The following SESN2 variants were observed in gnomAD, a reference collection of about 807,000 sequenced individuals.
The protein encoded by SESN2 is sestrin 2.
SESN2 carries 42 observed loss-of-function variants against 56.0 expected under a neutral mutation model. The ratio of observed to expected loss-of-function variants is 0.75; its 90% CI spans 0.59 to 0.97. The LOEUF is 0.97. Ranked by LOEUF, SESN2 falls within the 50% of genes least tolerant of loss-of-function variation. The probability of loss-of-function intolerance (pLI) is 0.00; values close to 1 mark genes in which losing one functional copy is unlikely to be tolerated. For synonymous variants in SESN2, 264 were observed against 267.1 expected (o/e 0.99, Z 0.11); for missense variants, 507 against 649.4 (o/e 0.78, Z 2.38).
intron 2 of SESN2, among the ~76,000 whole-genome samples, chr1:28,270,348 C>A: frequency 6.8e-6 from 1 of 146,858 alleles, no homozygotes; most frequent in African/African-American, 2.5e-5. Flanking sequence ...GAGACTCCGT[C>A]TCAAAAAAAA....
chr1:28,274,497 C>T (rs1463576783), intron 7 of SESN2, among the ~76,000 whole-genome samples: 2 of 151,936 alleles, frequency 1.3e-5, no homozygotes, highest in Non-Finnish European at 2.9e-5. Context: ...CGCTACTGCG[C>T]TCCAGCCTGG....
rs1234214591 is a variant in SESN2, at chr1:28,280,780, C to T, written c.1421C>T (p.Ala474Val). The part of the protein sequence containing the change: ...MQAALLYALR[A>V]ITRYMT The stretch of plus-strand genomic sequence containing the variant: ...GCCGCTCTGCTGTACGCCCTCCGTG[C>T]CATCACCCGCTACATGACCTGACTC... The change falls in exon 10 of 10, where the codon GCC (alanine) becomes GTC (valine). Residue 474 changes from alanine to valine, a missense_variant. Physicochemically the swap from Ala to Val is moderately conservative, Grantham distance 64 (BLOSUM62 0). Coordinates refer to ENST00000253063, the MANE Select transcript of SESN2 (RefSeq NM_031459.5). 3.7e-6 allele frequency: 6 copies of T among 1,613,410 alleles called. No homozygotes were observed. The highest frequency in any genetic ancestry group is 5.1e-6 in the Non-Finnish European group (6 of 1,179,870).
chr1:28,280,561 C>T (rs975416746), intron 9 of SESN2, among the ~76,000 whole-genome samples, 155 bp from the exon 10 acceptor site: 2 of 152,196 alleles, frequency 1.3e-5, no homozygotes, highest in African/African-American at 2.4e-5. Context: ...TGTGCTTGTC[C>T]TTGTACTAAA....
intron 2 of SESN2, among the ~76,000 whole-genome samples, chr1:28,270,126 C>T (rs925430595): frequency 6.6e-6 from 1 of 152,092 alleles, no homozygotes; most frequent in East Asian, 1.9e-4. Context: ...CCGAGGCGGG[C>T]GGATCACGAG....
intron 1 of SESN2, among the ~76,000 whole-genome samples, chr1:28,261,041 T>C (rs1204772054): frequency 2.0e-5 from 3 of 152,164 alleles, no homozygotes; most frequent in African/African-American, 7.2e-5. Flanking sequence ...ATTTCGGAGA[T>C]TGCACGGCAC....
intron 1 of SESN2, among the ~76,000 whole-genome samples, chr1:28,267,739 T>C (rs947677619): frequency 9.9e-5 from 15 of 152,192 alleles, no homozygotes; most frequent in African/African-American, 3.4e-4. Context: ...GTACCTGATA[T>C]TAGTGGTTTC....
rs1369923615 is a variant in SESN2, at chr1:28,259,865, CGAGTGCCGCGCA to C, written c.22_33del (p.Cys8_Glu11del). 4 of 1,406,078 alleles carry C rather than the reference CGAGTGCCGCGCA, an allele frequency of 2.8e-6. No homozygotes were observed. In the Admixed American group the frequency reaches 1.3e-4, roughly 45 times the overall value. 87.1% of individuals were successfully genotyped at this position (1,406,078 alleles called of 1,614,324 possible). ...CGCGCACCATGATCGTGGCGGACTC[CGAGTGCCGCGCA>C]GAGCTCAAGGACTACCTGCGGTTCG... On this transcript the variant is annotated inframe_deletion, in exon 1 of 10. Coordinates refer to ENST00000253063, the MANE Select transcript of SESN2 (RefSeq NM_031459.5).
chr1:28,280,612 A>C, intron 9 of SESN2, 104 bp from the exon 10 acceptor site: 1 of 859,548 alleles, frequency 1.2e-6, no homozygotes, highest in South Asian at 1.4e-5. Flanking sequence ...GCTCTGTAGG[A>C]AAGGAAATGG....
At chr1:28,262,229 T>C (rs1035651189) in intron 1 of SESN2, among the ~76,000 whole-genome samples, 4 of 152,108 alleles carry the variant, frequency 2.6e-5, no homozygotes, top group African/African-American at 9.7e-5. Flanking sequence ...GGCGTGCAGC[T>C]CCCTTAACTC....
chr1:28,273,269 G>C, intron 5 of SESN2, 89 bp from the exon 6 acceptor site: 1 of 1,315,316 alleles, frequency 7.6e-7, no homozygotes, highest in Non-Finnish European at 1.0e-6. Flanking sequence ...GTGAGCATTA[G>C]GAAGGCCTGG....
In SESN2 at chr1:28,274,161, AG is replaced by A. The variant is rs1647936919; in HGVS notation, c.1020+6del. 6.3e-7 allele frequency: 1 copy of A among 1,580,814 alleles called. No individual in the cohort carries two copies. Among genetic ancestry groups the A allele is most frequent in the South Asian group, 1.1e-5 (1 of 90,422 alleles). ...CACCCCCTACCTTCCGGGCCCAGGT[AG>A]GGCTCTCTCTACTAGTCTTGGCCAT... On this transcript the variant is annotated splice_donor_region_variant and intron_variant, in intron 7 of 9. Coordinates refer to ENST00000253063, the MANE Select transcript of SESN2 (RefSeq NM_031459.5).
chr1:28,275,967 G>A (rs1648023827), intron 8 of SESN2, among the ~76,000 whole-genome samples: 1 of 151,984 alleles, frequency 6.6e-6, no homozygotes, highest in Non-Finnish European at 1.5e-5. Context: ...GCTACATGGT[G>A]AAACCCCATA....
chr1:28,274,538 AAAAC>A (rs1323885511), intron 7 of SESN2, among the ~76,000 whole-genome samples: 1 of 152,160 alleles, frequency 6.6e-6, no homozygotes, highest in Non-Finnish European at 1.5e-5. Flanking sequence ...CAAAAAAAAA[AAAAC>A]AGAGTTGGGT....
At position 28,270,350 on chromosome 1, in the gene SESN2, CAAA is replaced by C. The variant is rs1166312841; in HGVS notation, c.156+1117_156+1119del. ...TGCGTGACAGAGTGAGACTCCGTCT[CAAA>C]AAAAAAAAAAAAAATTTGTTTCCTC... On this transcript the variant is annotated intron_variant, in intron 2 of 9. Transcript: ENST00000253063. 6.2e-3 allele frequency among the ~76,000 whole-genome samples: 617 copies of C among 99,242 alleles called. 5 individuals carry two copies. The highest frequency in any genetic ancestry group is 0.022 in the African/African-American group (584 of 26,282). 65.1% of individuals were successfully genotyped at this position (99,242 alleles called of 152,430 possible).
rs532741335 is a variant in SESN2, at chr1:28,270,668, T to C, written c.157-1006T>C. ...CTCACCGCAACCTCTGCCTCCCAGG[T>C]TCAAGCAATTCTCCTGCCTCAAGCC... On this transcript the variant is annotated intron_variant, in intron 2 of 9. Coordinates refer to ENST00000253063, the MANE Select transcript of SESN2 (RefSeq NM_031459.5). 9.2e-5 allele frequency among the ~76,000 whole-genome samples: 14 copies of C among 151,966 alleles called. 1 individual carries two copies. The South Asian group carries it at 2.9e-3, about 32-fold the overall frequency.
At chr1:28,276,878 CTTTTTTT>C (rs56403975) in intron 8 of SESN2, among the ~76,000 whole-genome samples, 1 of 117,976 alleles carries the variant, frequency 8.5e-6, no homozygotes, top group Non-Finnish European at 1.8e-5. Context: ...TGCGCCCAGC[CTTTTTTT>C]TTTTTTTTTT....
chr1:28,271,913 G>A, intron 3 of SESN2, 42 bp downstream of exon 3: 1 of 1,580,708 alleles, frequency 6.3e-7, no homozygotes, highest in Middle Eastern at 1.7e-4. Flanking sequence ...GTGGCTTTGT[G>A]GTGGGTTCTG....
At chr1:28,271,596 C>A in intron 2 of SESN2, 78 bp from the exon 3 acceptor site, 2 of 1,147,338 alleles carry the variant, frequency 1.7e-6, no homozygotes, top group Non-Finnish European at 2.6e-6. Context: ...CATTAAAAAC[C>A]CACTGGAAGA....
chr1:28,264,207 T>C (rs1395629324), intron 1 of SESN2, among the ~76,000 whole-genome samples: 2 of 151,870 alleles, frequency 1.3e-5, no homozygotes, highest in African/African-American at 2.4e-5. Context: ...TACTCCCAGC[T>C]ACTTAGGAGG....
Sources: allele counts gnomAD v4.1 joint callset (sites outside exome capture counted in the v4.1 genomes callset), GRCh38; gene constraint gnomAD v4.1.1; transcripts MANE v1.5; gene names NCBI Gene and HGNC (gene_info 2026-07-23, HGNC 2026-07-21).